MGRN1: variants seen among roughly 807,000 people sequenced by gnomAD.
MGRN1 encodes the protein E3 ubiquitin-protein ligase MGRN1.
MGRN1 carries 29 observed loss-of-function variants against 69.2 expected under a neutral mutation model. The observed-to-expected ratio is 0.42, with a 90% CI of 0.31 to 0.57. The LOEUF is 0.57. MGRN1 is among the 20% of genes least tolerant of loss of function. The pLI is 0.15. For synonymous variants in MGRN1, 470 were observed against 344.2 expected (o/e 1.37, Z -4.04); for missense variants, 998 against 796.2 (o/e 1.25, Z -3.05).
chr16:4,650,344 C>T lies in MGRN1; in HGVS notation c.89-21C>T, dbSNP rs199624827. 224 of 1,479,344 alleles carry T rather than the reference C, an allele frequency of 1.5e-4. 3 individuals carry two copies. The South Asian group carries it at 2.0e-3, about 13-fold the overall frequency. The allele number at this position is 1,479,344 out of a possible 1,614,324, so 91.6% of individuals were successfully genotyped here. On this transcript the variant is annotated intron_variant, in intron 1 of 16. Transcript: ENST00000262370. ...AAAAAAAAAAAAAAAAATCTATAAT[C>T]GTGTTTCCTTTTTTAAACAGGAAAC...
intron 10 of MGRN1, among the ~76,000 whole-genome samples, chr16:4,674,428 A>G (rs1043612900): frequency 4.6e-5 from 7 of 151,370 alleles, no homozygotes; most frequent in East Asian, 2.0e-4. Context: ...AGATGGGATT[A>G]CAGCCCTGCA....
chr16:4,656,249 T>C (rs1025066901), intron 4 of MGRN1, among the ~76,000 whole-genome samples: 2 of 152,236 alleles, frequency 1.3e-5, no homozygotes, highest in Non-Finnish European at 2.9e-5. Context: ...GGGCGGTCCT[T>C]GAAGCAGTGT....
At chr16:4,686,513 TC>T in intron 16 of MGRN1, 16 of 1,375,306 alleles carry the variant, frequency 1.2e-5, no homozygotes, top group Non-Finnish European at 1.4e-5. Flanking sequence ...GTCCTGACTT[TC>T]GGGGCCAGAG....
intron 10 of MGRN1, among the ~76,000 whole-genome samples, chr16:4,676,375 G>C (rs2079053540): frequency 6.6e-6 from 1 of 152,246 alleles, no homozygotes; most frequent in Non-Finnish European, 1.5e-5. Flanking sequence ...GCCTCAGGGT[G>C]GCTGTGTGGC....
At chr16:4,655,117 G>A (rs993054456) in intron 4 of MGRN1, among the ~76,000 whole-genome samples, 2 of 152,194 alleles carry the variant, frequency 1.3e-5, no homozygotes, top group African/African-American at 4.8e-5. Context: ...ACGGGGCCTG[G>A]TGCCCTCCTC....
chr16:4,688,808 C>A lies in MGRN1; in HGVS notation c.1631C>A (p.Ser544Tyr). Residue 544 changes from serine to tyrosine, a missense_variant, in exon 17 of 17, where the codon TCC becomes TAC. Coordinates refer to ENST00000262370, the MANE Select transcript of MGRN1 (RefSeq NM_015246.4). ...CTCCCACCTGCAGGACGGCCCACCT[C>A]CATGGAGACGGCCCACGGCCTCGCC... is the stretch of plus-strand genomic sequence containing the variant. ...ADIYLPGRPT[S>Y]METAHGLATT... is the part of the protein sequence containing the mutation. The A allele has an allele frequency of 6.4e-7, 1 of 1,551,084 alleles. No homozygotes were observed. Among genetic ancestry groups the A allele is most frequent in the South Asian group, 1.2e-5 (1 of 84,324 alleles).
chr16:4,667,281 T>C (rs1029775032), intron 7 of MGRN1, among the ~76,000 whole-genome samples: 9 of 151,996 alleles, frequency 5.9e-5, no homozygotes, highest in African/African-American at 2.2e-4. Context: ...GGGTCGGGGG[T>C]TCTGTTAGCT....
At chr16:4,645,389 G>C (rs1281702703) in intron 1 of MGRN1, among the ~76,000 whole-genome samples, 1 of 152,136 alleles carries the variant, frequency 6.6e-6, no homozygotes, top group Non-Finnish European at 1.5e-5. Flanking sequence ...GGCTGGTCTT[G>C]AACTCTGGGG....
chr16:4,652,232 G>A (rs1567193689), intron 3 of MGRN1, among the ~76,000 whole-genome samples, 181 bp downstream of exon 3: 1 of 152,138 alleles, frequency 6.6e-6, no homozygotes, highest in Non-Finnish European at 1.5e-5. Context: ...AACAAGAGCC[G>A]TTTAGCCAGG....
chr16:4,681,824 C>A, intron 13 of MGRN1, 48 bp downstream of exon 13: 2 of 1,548,612 alleles, frequency 1.3e-6, no homozygotes, highest in South Asian at 1.2e-5. Context: ...TGGTGGCGCG[C>A]GTGCGGAGCG....
At chr16:4,688,189 G>A in intron 16 of MGRN1, 1 of 985,612 alleles carries the variant, frequency 1.0e-6, no homozygotes, top group Non-Finnish European at 1.2e-6. Flanking sequence ...AGGCCATGCT[G>A]GCCCCGTCCC....
rs778144924 is a variant in MGRN1 at position 4,683,256 on chromosome 16, G to A, written c.1515G>A (p.Ser505=). The A allele has an allele frequency of 3.1e-5, 50 of 1,613,718 alleles. 2 individuals carry two copies. The South Asian group carries it at 4.4e-4, about 14-fold the overall frequency. Reference sequence around the variant, plus strand: ...TAACAGAAGAGGTTGATGAGTCGTCGTCACCACAGCAAGGTGAGCGCCTCC... The same window carrying A: ...TAACAGAAGAGGTTGATGAGTCGTCATCACCACAGCAAGGTGAGCGCCTCC... The part of the protein sequence containing the change: ...SFITEEVDES[S]SPQQGTRAAS... Residue 505 remains serine (S), a synonymous_variant, in exon 15 of 17, where the codon TCG becomes TCA. Coordinates refer to ENST00000262370, the MANE Select transcript of MGRN1 (RefSeq NM_015246.4).
chr16:4,690,096 G>A lies in MGRN1; in HGVS notation c.*1188G>A, dbSNP rs117994779. ...AGTTCTCTCTGATTTGGTTTGTTCT[G>A]TCTCAGGCTTCTGTGGCAGGACTGG... is the stretch of plus-strand genomic sequence containing the variant. On this transcript the variant is annotated 3_prime_UTR_variant, in exon 17 of 17. Transcript: ENST00000262370. 0.024 allele frequency: 3,670 copies of A among 152,478 alleles called. 50 individuals are homozygous for A. Among genetic ancestry groups the A allele is most frequent in the African/African-American group, 0.032 (1,331 of 41,584 alleles). The allele number at this position is 152,478 out of a possible 1,614,324, so 9.4% of individuals were successfully genotyped here. A position where few individuals can be genotyped will look rare whatever the true frequency, so the allele number is the denominator to read the frequency against.
At chr16:4,663,992 C>A (rs1363183215) in intron 5 of MGRN1, 1 of 152,446 alleles carries the variant, frequency 6.6e-6, no homozygotes, top group African/African-American at 2.4e-5. Context: ...CAGAAAGTTA[C>A]AGGGAGTTGC....
intron 5 of MGRN1, among the ~76,000 whole-genome samples, chr16:4,661,258 C>T (rs1008476025): frequency 3.9e-5 from 6 of 152,080 alleles, no homozygotes; most frequent in African/African-American, 1.4e-4. Flanking sequence ...GGATTATAGG[C>T]GTGAGCCACC....
chr16:4,636,538 T>C (rs770694097), intron 1 of MGRN1, among the ~76,000 whole-genome samples: 15 of 152,068 alleles, frequency 9.9e-5, no homozygotes, highest in East Asian at 1.9e-4. Flanking sequence ...GGAGTGGACT[T>C]GTTGGGGCTG....
Position 4,673,594 on chromosome 16 carries a change from C to G in MGRN1, c.892C>G (p.Leu298Val), listed in dbSNP as rs766286891. ...GATCCTGCCCTGCCGCCACCTGTGC[C>G]TCTGTACCTCCTGCGCCGACACGCT... The part of the protein sequence containing the change: ...TLILPCRHLC[L>V]CTSCADTLRY... Residue 298 changes from leucine (L) to valine (V), a missense_variant, in exon 10 of 17, where the codon CTC becomes GTC. Physicochemically the swap from Leu to Val is conservative, Grantham distance 32. Transcript: ENST00000262370. 4 of 1,613,738 alleles carry G rather than the reference C, an allele frequency of 2.5e-6. No homozygotes were observed. The highest frequency in any genetic ancestry group is 2.2e-5 in the East Asian group (1 of 44,894).
intron 11 of MGRN1, among the ~76,000 whole-genome samples, chr16:4,679,343 C>T (rs1296701405): frequency 2.6e-5 from 4 of 152,126 alleles, no homozygotes; most frequent in Non-Finnish European, 4.4e-5. Context: ...GCTGGGCGGC[C>T]GGGGTCCGAG....
At chr16:4,681,965 C>T (rs2079192115) in intron 13 of MGRN1, among the ~76,000 whole-genome samples, 189 bp downstream of exon 13, 1 of 152,262 alleles carries the variant, frequency 6.6e-6, no homozygotes, top group Non-Finnish European at 1.5e-5. Flanking sequence ...GCAGACGAGG[C>T]AGGAAGAGCG....
Sources: allele counts gnomAD v4.1 joint callset (sites outside exome capture counted in the v4.1 genomes callset), GRCh38; gene constraint gnomAD v4.1.1; transcripts MANE v1.5; gene names NCBI Gene and HGNC (gene_info 2026-07-23, HGNC 2026-07-21).